IFT80: variants seen among roughly 807,000 people sequenced by gnomAD.
The protein encoded by IFT80 is intraflagellar transport protein 80 homolog.
In IFT80, 79 loss-of-function variants were observed where a neutral mutation model predicts 107.9. The ratio of observed to expected loss-of-function variants is 0.73; its 90% CI spans 0.61 to 0.88. IFT80 has a LOEUF of 0.88. Ranked by LOEUF, IFT80 falls within the 40% of genes least tolerant of loss-of-function variation. The pLI, the probability that IFT80 is intolerant of heterozygous loss-of-function variation, is 0.00. For synonymous variants in IFT80, 299 were observed against 300.9 expected (o/e 0.99, Z 0.07); for missense variants, 797 against 914.2 (o/e 0.87, Z 1.65).
chr3:160,334,371 C>A (rs970124419), intron 8 of IFT80, among the ~76,000 whole-genome samples: 8 of 151,026 alleles, frequency 5.3e-5, no homozygotes, highest in Admixed American at 3.3e-4. Context: ...TTTGTTATAC[C>A]AGTTGGTATA....
chr3:160,293,133 C>T (rs1715700411), intron 12 of IFT80, among the ~76,000 whole-genome samples: 2 of 152,138 alleles, frequency 1.3e-5, no homozygotes, highest in South Asian at 4.1e-4. Flanking sequence ...TACATTAATG[C>T]TTCAAAAGAG....
chr3:160,328,394 G>A (rs1010431715), intron 8 of IFT80, among the ~76,000 whole-genome samples: 4 of 150,644 alleles, frequency 2.7e-5, no homozygotes, highest in Non-Finnish European at 4.4e-5. Flanking sequence ...CCCACAAGGC[G>A]GAGGTTGCAG....
chr3:160,259,883 A>C (rs1712678155), intron 19 of IFT80, among the ~76,000 whole-genome samples: 1 of 152,214 alleles, frequency 6.6e-6, no homozygotes, highest in African/African-American at 2.4e-5. Flanking sequence ...CAAACCCCTG[A>C]GTCTGGGCCA....
chr3:160,286,786 T>G (rs1480886574), intron 12 of IFT80, among the ~76,000 whole-genome samples: 1 of 152,242 alleles, frequency 6.6e-6, no homozygotes, highest in Non-Finnish European at 1.5e-5. Flanking sequence ...TGTTATGTGC[T>G]ACTCAGTTTT....
At chr3:160,380,813 T>A (rs1432655709) in intron 3 of IFT80, among the ~76,000 whole-genome samples, 1 of 152,190 alleles carries the variant, frequency 6.6e-6, no homozygotes, top group Non-Finnish European at 1.5e-5. Context: ...AAATAAAGTA[T>A]GTATTTTAAC....
chr3:160,292,771 G>A (rs1174905203), intron 12 of IFT80, among the ~76,000 whole-genome samples: 1 of 152,056 alleles, frequency 6.6e-6, no homozygotes, highest in African/African-American at 2.4e-5. Context: ...AGAGGGGGAG[G>A]AGAAAGGAGG....
intron 9 of IFT80, among the ~76,000 whole-genome samples, chr3:160,317,055 A>C (rs960582019): frequency 3.3e-5 from 5 of 152,150 alleles, no homozygotes; most frequent in African/African-American, 1.2e-4. Context: ...AGCTGAATTT[A>C]TGAAAAAAAC....
intron 6 of IFT80, among the ~76,000 whole-genome samples, chr3:160,359,526 C>T (rs1386479002): frequency 6.6e-6 from 1 of 152,148 alleles, no homozygotes; most frequent in Non-Finnish European, 1.5e-5. Flanking sequence ...GGACAGACTG[C>T]CTCCTCAAGT....
At chr3:160,304,791 G>A (rs1716719904) in intron 10 of IFT80, among the ~76,000 whole-genome samples, 1 of 152,000 alleles carries the variant, frequency 6.6e-6, no homozygotes, top group Admixed American at 6.6e-5. Flanking sequence ...TGTAAAATGG[G>A]GATAATGATG....
intron 19 of IFT80, among the ~76,000 whole-genome samples, chr3:160,267,245 A>G (rs1235332514): frequency 1.3e-5 from 2 of 152,148 alleles, no homozygotes; most frequent in African/African-American, 2.4e-5. Context: ...TAAGTAGATA[A>G]TGTTGGCTTT....
chr3:160,350,329 T>C (rs1221717755), intron 8 of IFT80, among the ~76,000 whole-genome samples: 1 of 148,996 alleles, frequency 6.7e-6, no homozygotes, highest in Non-Finnish European at 1.5e-5. Context: ...GGCACAAGAA[T>C]CACTTGAACC....
At chr3:160,296,749 T>C (rs1239322038) in intron 12 of IFT80, among the ~76,000 whole-genome samples, 3 of 152,172 alleles carry the variant, frequency 2.0e-5, no homozygotes, top group African/African-American at 7.2e-5. Context: ...ACCCATATAT[T>C]GCCAAATCAA....
chr3:160,345,153 G>A (rs1412319065), intron 8 of IFT80, among the ~76,000 whole-genome samples: 1 of 152,132 alleles, frequency 6.6e-6, no homozygotes, highest in Non-Finnish European at 1.5e-5. Flanking sequence ...TTGCAGCTCT[G>A]TTCACAACGG....
At chr3:160,273,810 G>A (rs571563229) in intron 18 of IFT80, among the ~76,000 whole-genome samples, 8 of 152,234 alleles carry the variant, frequency 5.3e-5, no homozygotes, top group Admixed American at 4.6e-4. Context: ...CAGGAACAAT[G>A]CTCTGGGATC....
At chr3:160,372,913 G>A (rs1711639607) in intron 5 of IFT80, among the ~76,000 whole-genome samples, 1 of 152,062 alleles carries the variant, frequency 6.6e-6, no homozygotes, top group African/African-American at 2.4e-5. Flanking sequence ...GTGAGAGGAA[G>A]AGCATCACCA....
intron 9 of IFT80, among the ~76,000 whole-genome samples, chr3:160,308,641 T>C (rs1717005423): frequency 6.6e-6 from 1 of 152,194 alleles, no homozygotes; most frequent in Non-Finnish European, 1.5e-5. Context: ...ACCATTTTTC[T>C]AAATATAATG....
chr3:160,319,984 A>C (rs752763004), intron 8 of IFT80, 45 bp from the exon 9 acceptor site: 2 of 1,509,252 alleles, frequency 1.3e-6, no homozygotes, highest in African/African-American at 2.8e-5. Flanking sequence ...CTGAAAAAAA[A>C]TTTTTAGGAA....
intron 8 of IFT80, among the ~76,000 whole-genome samples, chr3:160,343,331 A>G (rs1315066777): frequency 1.1e-4 from 17 of 152,190 alleles, no homozygotes. Flanking sequence ...TATCTCTTAC[A>G]CAAGCAATAG....
intron 8 of IFT80, among the ~76,000 whole-genome samples, chr3:160,355,582 C>T (rs928967495): frequency 8.6e-5 from 13 of 151,704 alleles, no homozygotes; most frequent in African/African-American, 3.2e-4. Context: ...ACTATTTTTC[C>T]AATGCACTAT....
Sources: allele counts gnomAD v4.1 joint callset (sites outside exome capture counted in the v4.1 genomes callset), GRCh38; gene constraint gnomAD v4.1.1; transcripts MANE v1.5; gene names NCBI Gene and HGNC (gene_info 2026-07-23, HGNC 2026-07-21).